NCALD: variants seen among roughly 807,000 people sequenced by gnomAD.
The protein encoded by NCALD is neurocalcin delta.
A neutral mutation model predicts 18.6 loss-of-function variants in NCALD; 10 were observed. That is an observed-to-expected ratio of 0.54 (90% CI 0.33 to 0.91). The LOEUF is 0.91. Ranked by LOEUF, NCALD falls within the 40% of genes least tolerant of loss-of-function variation. The pLI is 0.03. For synonymous variants in NCALD, 88 were observed against 87.4 expected (o/e 1.01, Z -0.04); for missense variants, 184 against 247.6 (o/e 0.74, Z 1.72).
intron 1 of NCALD, among the ~76,000 whole-genome samples, chr8:101,736,072 C>T (rs1809896519): frequency 6.6e-6 from 1 of 152,168 alleles, no homozygotes; most frequent in South Asian, 2.1e-4. Flanking sequence ...GCGGGAGACT[C>T]AAACCAGGCA....
intron 4 of NCALD, among the ~76,000 whole-genome samples, chr8:101,827,022 A>C (rs1813964736): frequency 6.6e-6 from 1 of 152,182 alleles, no homozygotes; most frequent in African/African-American, 2.4e-5. Context: ...AAAACAACAA[A>C]AATTTATTAT....
chr8:102,064,642 G>A (rs78128698), intron 1 of NCALD, among the ~76,000 whole-genome samples: 86 of 152,314 alleles, frequency 5.6e-4, no homozygotes, highest in African/African-American at 1.9e-3. Flanking sequence ...CTTGGGGATG[G>A]CAGCTAAAGC....
intron 1 of NCALD, among the ~76,000 whole-genome samples, chr8:102,051,403 T>G (rs943475121): frequency 2.0e-5 from 3 of 151,992 alleles, no homozygotes; most frequent in Admixed American, 1.3e-4. Flanking sequence ...GAGAGCTCAG[T>G]ATGGCTGGAC....
intron 4 of NCALD, among the ~76,000 whole-genome samples, chr8:101,839,200 C>T (rs1364553297): frequency 1.3e-5 from 2 of 152,048 alleles, no homozygotes; most frequent in Admixed American, 6.6e-5. Flanking sequence ...CACACCCGAC[C>T]TGTGATGGTA....
At chr8:102,085,815 A>C (rs1824719810) in intron 1 of NCALD, among the ~76,000 whole-genome samples, 8 of 152,116 alleles carry the variant, frequency 5.3e-5, no homozygotes. Flanking sequence ...TTTTGTGGCA[A>C]AAATTAGCTT....
chr8:101,714,953 C>T (rs1225798350), intron 2 of NCALD, among the ~76,000 whole-genome samples: 2 of 149,464 alleles, frequency 1.3e-5, no homozygotes, highest in African/African-American at 5.1e-5. Flanking sequence ...GCCGAGATTG[C>T]GCCACTGCAG....
At position 101,811,115 on chromosome 8, in the gene NCALD, T is replaced by C. The variant is rs1813288610; in HGVS notation, c.-20+76026A>G. On this transcript the variant is annotated intron_variant, in intron 4 of 6. Transcript: ENST00000311028. ...CATGCTCCCCTGTACCTGCCCCCCA[T>C]GTGTCCTGTCCTAATCCCTGGAACC... Among the ~76,000 whole-genome samples, 3 of 152,270 alleles carry C rather than the reference T, an allele frequency of 2.0e-5. No individual in the cohort carries two copies. The South Asian group carries it at 6.2e-4, about 32-fold the overall frequency.
intron 2 of NCALD, among the ~76,000 whole-genome samples, chr8:101,961,439 T>C (rs941359105): frequency 6.6e-6 from 1 of 152,202 alleles, no homozygotes; most frequent in Admixed American, 6.5e-5. Flanking sequence ...TCAAGTTCAA[T>C]AGTTTTTTTC....
At chr8:102,115,574 C>G (rs1563630636) in intron 1 of NCALD, among the ~76,000 whole-genome samples, 1 of 152,234 alleles carries the variant, frequency 6.6e-6, no homozygotes, top group East Asian at 1.9e-4. Context: ...CAAAGCTACT[C>G]TTTACCTTGC....
Position 101,689,303 on chromosome 8 carries a change from C to T in NCALD, c.*6G>A. ...AGCTCTACAATTCGATTGGTGGGCG[C>T]AGGGCTCAGAACTGGCCGGCACTGC... On this transcript the variant is annotated 3_prime_UTR_variant, in exon 4 of 4. Coordinates refer to ENST00000220931, the MANE Select transcript of NCALD (RefSeq NM_032041.3). This position sits in a 1 kb window ranked among gnomAD's most constrained non-coding sequence, Gnocchi z 4.4. 6.2e-7 allele frequency: 1 copy of T among 1,613,460 alleles called. No individual in the cohort carries two copies. Among genetic ancestry groups the T allele is most frequent in the Non-Finnish European group, 8.5e-7 (1 of 1,179,692 alleles).
intron 1 of NCALD, among the ~76,000 whole-genome samples, chr8:101,772,411 T>C (rs980862086): frequency 6.6e-6 from 1 of 152,200 alleles, no homozygotes; most frequent in Non-Finnish European, 1.5e-5. Flanking sequence ...ATCTTCCTAG[T>C]GGCAAACACA....
At chr8:102,118,424 C>T (rs1047813133) in intron 1 of NCALD, among the ~76,000 whole-genome samples, 1 of 152,256 alleles carries the variant, frequency 6.6e-6, no homozygotes, top group Admixed American at 6.5e-5. Context: ...TCCTCAGTTA[C>T]TGCCTTCTGA....
chr8:102,115,799 T>C (rs1184196434), intron 1 of NCALD, among the ~76,000 whole-genome samples: 1 of 152,148 alleles, frequency 6.6e-6, no homozygotes, highest in African/African-American at 2.4e-5. Context: ...ATTATATTTC[T>C]AAAAGCATCT....
intron 1 of NCALD, among the ~76,000 whole-genome samples, chr8:102,114,649 A>C (rs1443865557): frequency 6.6e-6 from 1 of 152,200 alleles, no homozygotes; most frequent in East Asian, 1.9e-4. Context: ...CTTGCAACCC[A>C]GTGGAGGGAC....
chr8:102,002,477 A>G lies in NCALD; in HGVS notation c.-157+17760T>C. Among the ~76,000 whole-genome samples, 2 of 152,226 alleles carry G rather than the reference A, an allele frequency of 1.3e-5. 1 individual carries two copies. Among genetic ancestry groups the G allele is most frequent in the Non-Finnish European group, 2.9e-5 (2 of 68,044 alleles). On this transcript the variant is annotated intron_variant, in intron 2 of 6. Coordinates refer to the NCALD transcript ENST00000311028. ...ACATTAGACAGATCAATGAGACAGA[A>G]AGTTAACAAGGATATCCAGGAATTG...
rs144198144 is a variant in NCALD, at chr8:101,941,996, T to G, written c.-156-26138A>C. On this transcript the variant is annotated intron_variant, in intron 2 of 6. Coordinates refer to the NCALD transcript ENST00000311028. ...CTCATCTTTTTCTCAGAGGAAACAG[T>G]TCTTCATGGTGGTAGAATTCCATTT... Among the ~76,000 whole-genome samples the G allele has an allele frequency of 3.8e-4, 58 of 152,330 alleles. 1 individual carries two copies. In the East Asian group the frequency reaches 0.011, roughly 29 times the overall value.
At chr8:101,699,171 G>A (rs763956960) in intron 2 of NCALD, among the ~76,000 whole-genome samples, 8 of 151,344 alleles carry the variant, frequency 5.3e-5, no homozygotes, top group African/African-American at 7.3e-5. Context: ...ATGAAAAAGC[G>A]TATGATCATT....
intron 4 of NCALD, among the ~76,000 whole-genome samples, chr8:101,813,622 T>C (rs1262679358): frequency 6.6e-6 from 1 of 152,182 alleles, no homozygotes; most frequent in Non-Finnish European, 1.5e-5. Context: ...ATATTTTCTA[T>C]TGGCACAAAA....
intron 3 of NCALD, among the ~76,000 whole-genome samples, chr8:101,909,596 A>G (rs1165700455): frequency 2.6e-5 from 4 of 152,194 alleles, no homozygotes; most frequent in Non-Finnish European, 5.9e-5. Context: ...TTGAATTTTC[A>G]TAACCACCTC....
Sources: gnomAD v4.1 joint callset for allele counts (sites outside exome capture counted in the v4.1 genomes callset) on GRCh38, gnomAD v4.1.1 for gene constraint, Gnocchi (gnomAD v3.1) non-coding constraint, MANE v1.5 for transcripts, NCBI Gene and HGNC (gene_info 2026-07-23, HGNC 2026-07-21) for gene names.